The following FAM53B variants were observed in gnomAD, a reference collection of about 807,000 sequenced individuals.
FAM53B encodes the protein protein FAM53B.
Under a neutral mutation model 32.7 loss-of-function variants are expected in FAM53B, and 12 were observed. The ratio of observed to expected loss-of-function variants is 0.37; its 90% CI spans 0.24 to 0.59. The LOEUF (loss-of-function observed/expected upper bound fraction) is 0.59. FAM53B is among the 20% of genes least tolerant of loss of function. FAM53B has a pLI of 0.72. For missense variants in FAM53B, 477 were observed against 577.7 expected (o/e 0.83, Z 1.79); for synonymous variants, 234 against 228.7 (o/e 1.02, Z -0.21).
intron 2 of FAM53B, among the ~76,000 whole-genome samples, chr10:124,703,315 T>C (rs1404353215): frequency 1.3e-5 from 2 of 152,230 alleles, no homozygotes; most frequent in Non-Finnish European, 2.9e-5. Flanking sequence ...CCCAAAGTGC[T>C]GGGATTACCG....
intron 1 of FAM53B, among the ~76,000 whole-genome samples, chr10:124,741,957 A>T (rs768635309): frequency 1.3e-5 from 2 of 152,234 alleles, no homozygotes; most frequent in African/African-American, 2.4e-5. Flanking sequence ...TGAGGTTGCT[A>T]GTTTCTATTT....
rs1949291709 is a variant in FAM53B at position 124,619,636 on chromosome 10, C to T, written c.*3606G>A. 6.6e-6 allele frequency: 1 copy of T among 152,186 alleles called. No homozygotes were observed. The highest frequency in any genetic ancestry group is 2.4e-5 in the African/African-American group (1 of 41,300). 9.4% of individuals were successfully genotyped at this position (152,186 alleles called of 1,614,324 possible). Reference sequence around the variant, plus strand: ...GACTATCCTATCTAGGCTACAAGATCTCCACTTCGGTCTGCCATTAAAAAA... The same window carrying T: ...GACTATCCTATCTAGGCTACAAGATTTCCACTTCGGTCTGCCATTAAAAAA... On this transcript the variant is annotated 3_prime_UTR_variant, in exon 5 of 5. Coordinates refer to ENST00000337318, the MANE Select transcript of FAM53B (RefSeq NM_014661.4).
At chr10:124,632,387 A>T (rs1330963101) in intron 4 of FAM53B, among the ~76,000 whole-genome samples, 1 of 152,272 alleles carries the variant, frequency 6.6e-6, no homozygotes, top group Non-Finnish European at 1.5e-5. Flanking sequence ...GCCTAACAAA[A>T]GTCAAGGGAC....
chr10:124,695,121 A>C (rs1331305039), intron 3 of FAM53B, among the ~76,000 whole-genome samples: 7 of 152,252 alleles, frequency 4.6e-5, no homozygotes, highest in Non-Finnish European at 8.8e-5. Context: ...ACATGGAGGG[A>C]GGACCGAGAA....
At chr10:124,684,529 T>A (rs368303263) in intron 3 of FAM53B, among the ~76,000 whole-genome samples, 116 of 151,872 alleles carry the variant, frequency 7.6e-4, no homozygotes, top group African/African-American at 1.1e-3. Context: ...TAAAAAAAAA[T>A]TTTTTTTTGA....
At position 124,621,226 on chromosome 10, in the gene FAM53B, A is replaced by AC. The variant is rs1269423972; in HGVS notation, c.*2015dup. On this transcript the variant is annotated 3_prime_UTR_variant, in exon 5 of 5. Coordinates refer to ENST00000337318, the MANE Select transcript of FAM53B (RefSeq NM_014661.4). ...GCCACACCGGGCATGTGGTGCCAGG[A>AC]CCCCCCACGCCCAGTGGTACTCCGG... is the stretch of plus-strand genomic sequence containing the variant. The AC allele has an allele frequency of 1.3e-5, 2 of 151,828 alleles. No homozygotes were observed. Among genetic ancestry groups the AC allele is most frequent in the East Asian group, 1.9e-4 (1 of 5,184 alleles). The allele number at this position is 151,828 out of a possible 1,614,324, so 9.4% of individuals were successfully genotyped here. A position where few individuals can be genotyped will look rare whatever the true frequency, so the allele number is the denominator to read the frequency against.
intron 1 of FAM53B, among the ~76,000 whole-genome samples, chr10:124,714,775 A>AAG (rs1564886198): frequency 1.3e-5 from 2 of 152,036 alleles, no homozygotes; most frequent in Admixed American, 6.5e-5. Flanking sequence ...AAAAAAAAAA[A>AAG]AAAAGAAAAC....
chr10:124,724,895 C>T (rs958407815), intron 1 of FAM53B, among the ~76,000 whole-genome samples: 2 of 152,144 alleles, frequency 1.3e-5, no homozygotes, highest in South Asian at 2.1e-4. Flanking sequence ...CACGTGTTTT[C>T]GTGGATATGA....
At chr10:124,646,322 C>T (rs573709204) in intron 4 of FAM53B, among the ~76,000 whole-genome samples, 3 of 152,348 alleles carry the variant, frequency 2.0e-5, no homozygotes, top group African/African-American at 7.2e-5. Flanking sequence ...GGCTTCAATA[C>T]AGATGGGCTG....
intron 1 of FAM53B, among the ~76,000 whole-genome samples, chr10:124,721,435 G>A (rs1950067854): frequency 6.6e-6 from 1 of 152,350 alleles, no homozygotes; most frequent in South Asian, 2.1e-4. Flanking sequence ...AACAAGGCTG[G>A]CAGAGCCGCA....
chr10:124,637,039 A>G (rs1949436811), intron 4 of FAM53B, among the ~76,000 whole-genome samples: 1 of 152,180 alleles, frequency 6.6e-6, no homozygotes, highest in South Asian at 2.1e-4. Flanking sequence ...TTATCTGCCC[A>G]AAGAGGCCTC....
intron 4 of FAM53B, among the ~76,000 whole-genome samples, chr10:124,642,625 C>T (rs1393257801): frequency 2.0e-5 from 3 of 152,212 alleles, no homozygotes; most frequent in South Asian, 4.1e-4. Context: ...ACCTGAAATC[C>T]CCGTGAGTCA....
At chr10:124,667,449 T>C (rs1411370647) in intron 4 of FAM53B, 2 of 759,988 alleles carry the variant, frequency 2.6e-6, no homozygotes, top group Admixed American at 3.5e-5. Context: ...CAGGTGAGTT[T>C]CTTCTGCAAA....
chr10:124,629,619 A>T (rs559143027), intron 4 of FAM53B, among the ~76,000 whole-genome samples: 1 of 152,330 alleles, frequency 6.6e-6, no homozygotes, highest in South Asian at 2.1e-4. Flanking sequence ...CGCTTGCATG[A>T]GAACAGAATT....
At chr10:124,663,845 C>T (rs184863292) in intron 4 of FAM53B, among the ~76,000 whole-genome samples, 1 of 152,030 alleles carries the variant, frequency 6.6e-6, no homozygotes. Context: ...CTCCAGAGAC[C>T]GATGCTACTG....
At chr10:124,647,746 G>T (rs1333236460) in intron 4 of FAM53B, among the ~76,000 whole-genome samples, 1 of 152,178 alleles carries the variant, frequency 6.6e-6, no homozygotes, top group Non-Finnish European at 1.5e-5. Context: ...GCACCTCACT[G>T]AAGTGTTGAG....
chr10:124,734,936 C>T (rs1047540579), intron 1 of FAM53B, among the ~76,000 whole-genome samples: 2 of 152,210 alleles, frequency 1.3e-5, no homozygotes, highest in Non-Finnish European at 2.9e-5. Flanking sequence ...GCCAAGGGCT[C>T]CTTTCAAAGC....
intron 4 of FAM53B, among the ~76,000 whole-genome samples, chr10:124,636,904 A>C (rs977014461): frequency 2.6e-5 from 4 of 151,818 alleles, no homozygotes; most frequent in African/African-American, 9.7e-5. Flanking sequence ...GCAGAGGCGG[A>C]GTTCCCAGAG....
At chr10:124,725,915 C>A (rs1008031119) in intron 1 of FAM53B, among the ~76,000 whole-genome samples, 1 of 152,158 alleles carries the variant, frequency 6.6e-6, no homozygotes, top group African/African-American at 2.4e-5. Context: ...AAGACCCACA[C>A]AGGCCAACCC....
Sources: gnomAD v4.1 joint callset for allele counts (sites outside exome capture counted in the v4.1 genomes callset) on GRCh38, gnomAD v4.1.1 for gene constraint, MANE v1.5 for transcripts, NCBI Gene and HGNC (gene_info 2026-07-23, HGNC 2026-07-21) for gene names.